Variants in RNF13 observed in about 807,000 individuals in gnomAD.
RNF13 encodes the protein ring finger protein 13, also known as E3 ubiquitin-protein ligase RNF13.
A neutral mutation model predicts 37.7 loss-of-function variants in RNF13; 19 were observed. The observed-to-expected ratio is 0.50, with a 90% CI of 0.35 to 0.74. RNF13 has a LOEUF of 0.74. Among genes scored for constraint, RNF13 ranks in the 30% least tolerant of loss-of-function variants. RNF13 has a pLI of 0.01. For missense variants in RNF13, 375 were observed against 453.0 expected, an observed-to-expected ratio of 0.83 and a Z score of 1.56; for synonymous variants, 144 against 157.8, an observed-to-expected ratio of 0.91 and a Z score of 0.65.
intron 1 of RNF13, among the ~76,000 whole-genome samples, chr3:149,817,871 T>C (rs1013525398): frequency 1.3e-5 from 2 of 151,948 alleles, no homozygotes; most frequent in Non-Finnish European, 2.9e-5. Context: ...GAACCTATTA[T>C]AAGAAAAAAA....
intron 3 of RNF13, among the ~76,000 whole-genome samples, chr3:149,863,024 C>T (rs1371631917): frequency 6.6e-6 from 1 of 152,176 alleles, no homozygotes; most frequent in East Asian, 1.9e-4. Context: ...ATGGCAATGA[C>T]AGTACCCTTA....
At chr3:149,836,723 C>CA (rs1721663420) in intron 1 of RNF13, among the ~76,000 whole-genome samples, 3 of 151,650 alleles carry the variant, frequency 2.0e-5, no homozygotes, top group African/African-American at 7.3e-5. Context: ...ATTTTTTTCA[C>CA]AATAGCTAAA....
intron 8 of RNF13, among the ~76,000 whole-genome samples, chr3:149,957,826 T>C (rs950818824): frequency 6.6e-6 from 1 of 152,192 alleles, no homozygotes; most frequent in Non-Finnish European, 1.5e-5. Flanking sequence ...GATAAGTGTT[T>C]TACATAAAGT....
intron 6 of RNF13, among the ~76,000 whole-genome samples, chr3:149,906,387 T>C (rs1192078861): frequency 1.3e-5 from 2 of 152,214 alleles, no homozygotes; most frequent in African/African-American, 2.4e-5. Flanking sequence ...GGTAACTCTA[T>C]GTTTAACACT....
At chr3:149,900,625 T>G (rs1715731156) in intron 5 of RNF13, among the ~76,000 whole-genome samples, 1 of 152,066 alleles carries the variant, frequency 6.6e-6, no homozygotes, top group South Asian at 2.1e-4. Context: ...GGTAGATCTG[T>G]ATTTATTGAC....
At chr3:149,918,407 AG>A (rs1193590302) in intron 7 of RNF13, among the ~76,000 whole-genome samples, 1 of 151,910 alleles carries the variant, frequency 6.6e-6, no homozygotes, top group Non-Finnish European at 1.5e-5. Flanking sequence ...TTTCTAGATG[AG>A]GTGTTGTTTT....
chr3:149,920,421 T>TG (rs143246430), intron 7 of RNF13, among the ~76,000 whole-genome samples: 11,633 of 152,066 alleles, frequency 0.076, 485 homozygotes, highest in Middle Eastern at 0.095. Context: ...TTTTTAGAGA[T>TG]GGGGTCTCAC....
chr3:149,827,549 C>T (rs1720628499), intron 1 of RNF13, among the ~76,000 whole-genome samples: 1 of 152,090 alleles, frequency 6.6e-6, no homozygotes, highest in African/African-American at 2.4e-5. Flanking sequence ...ACATTATAGG[C>T]ACTCTTTAGG....
At chr3:149,832,563 A>T (rs757119863) in intron 1 of RNF13, among the ~76,000 whole-genome samples, 4 of 152,168 alleles carry the variant, frequency 2.6e-5, no homozygotes, top group Non-Finnish European at 4.4e-5. Flanking sequence ...ATTTTCTCAA[A>T]AATGAGGCCA....
chr3:149,942,844 T>A (rs915512317), intron 8 of RNF13, among the ~76,000 whole-genome samples: 12 of 152,214 alleles, frequency 7.9e-5, no homozygotes, highest in African/African-American at 2.7e-4. Flanking sequence ...ATCTCATATA[T>A]GACTTTTATT....
chr3:149,957,429 ACCTAG>A (rs1721971699), intron 8 of RNF13, among the ~76,000 whole-genome samples: 1 of 152,130 alleles, frequency 6.6e-6, no homozygotes, highest in African/African-American at 2.4e-5. Flanking sequence ...AATGCATTCA[ACCTAG>A]CTTTCAAATA....
At chr3:149,829,709 A>G (rs935002179) in intron 1 of RNF13, among the ~76,000 whole-genome samples, 27 of 152,304 alleles carry the variant, frequency 1.8e-4, no homozygotes, top group African/African-American at 6.5e-4. Flanking sequence ...TTTGCTTATG[A>G]CAACTTCTGA....
intron 8 of RNF13, among the ~76,000 whole-genome samples, chr3:149,922,247 C>T (rs1351367921): frequency 6.6e-6 from 1 of 152,216 alleles, no homozygotes; most frequent in Admixed American, 6.5e-5. Flanking sequence ...GCTGGGACTA[C>T]AGGTGTGAGC....
intron 2 of RNF13, among the ~76,000 whole-genome samples, chr3:149,850,477 A>C (rs532804904): frequency 7.2e-4 from 110 of 152,384 alleles, no homozygotes; most frequent in Non-Finnish European, 1.4e-3. Context: ...AAGCAGTTTC[A>C]AAAAGGGTTT....
intron 1 of RNF13, among the ~76,000 whole-genome samples, chr3:149,826,617 A>G (rs745662701): frequency 6.6e-6 from 1 of 152,220 alleles, no homozygotes; most frequent in Non-Finnish European, 1.5e-5. Context: ...TCTCCTGTAT[A>G]TATTATGCAA....
intron 6 of RNF13, among the ~76,000 whole-genome samples, chr3:149,902,740 G>C (rs567715399): frequency 6.6e-6 from 1 of 151,960 alleles, no homozygotes; most frequent in Non-Finnish European, 1.5e-5. Flanking sequence ...CAGAGAAAAC[G>C]GTACAATAAA....
At chr3:149,860,167 G>C (rs1168724405) in intron 3 of RNF13, among the ~76,000 whole-genome samples, 1 of 149,968 alleles carries the variant, frequency 6.7e-6, no homozygotes, top group Admixed American at 6.7e-5. Flanking sequence ...TCAGGAGGCT[G>C]AGGAGAATCA....
chr3:149,851,341 T>G (rs1576762383), intron 2 of RNF13: 2 of 152,240 alleles, frequency 1.3e-5, no homozygotes, highest in Non-Finnish European at 1.5e-5. Context: ...ACTGGAGAGA[T>G]GCAAGGCAAC....
intron 3 of RNF13, among the ~76,000 whole-genome samples, chr3:149,861,150 C>T (rs1193116844): frequency 6.6e-6 from 1 of 151,422 alleles, no homozygotes; most frequent in Non-Finnish European, 1.5e-5. Context: ...GGAACTCATA[C>T]ACTGTTGGTG....
Sources: allele counts gnomAD v4.1 joint callset (sites outside exome capture counted in the v4.1 genomes callset), GRCh38; gene constraint gnomAD v4.1.1; transcripts MANE v1.5; gene names NCBI Gene and HGNC (gene_info 2026-07-23, HGNC 2026-07-21).